Variants in OSBPL6 observed in about 807,000 individuals in gnomAD.
OSBPL6 encodes oxysterol-binding protein-related protein 6.
Under a neutral mutation model 125.8 loss-of-function variants are expected in OSBPL6, and 49 were observed. The ratio of observed to expected loss-of-function variants is 0.39; its 90% CI spans 0.31 to 0.49. OSBPL6 has a LOEUF of 0.49. Among genes scored for constraint, OSBPL6 ranks in the 20% least tolerant of loss-of-function variants. The pLI, the probability that OSBPL6 is intolerant of heterozygous loss-of-function variation, is 0.88. For missense variants in OSBPL6, 986 were observed against 1,135.4 expected (o/e 0.87, Z 1.89); for synonymous variants, 394 against 391.8 (o/e 1.01, Z -0.07).
chr2:178,286,894 A>T (rs1012633917), intron 2 of OSBPL6, among the ~76,000 whole-genome samples: 3 of 152,170 alleles, frequency 2.0e-5, no homozygotes, highest in Non-Finnish European at 4.4e-5. Flanking sequence ...TACCTCCATC[A>T]CAGTGAGTTG....
chr2:178,235,393 CTTTTCTT>C (rs2091009446), intron 1 of OSBPL6, among the ~76,000 whole-genome samples: 8 of 64,528 alleles, frequency 1.2e-4, no homozygotes, highest in African/African-American at 2.2e-4. Context: ...TTTTTCTTTT[CTTTTCTT>C]TTTTTTTTTT....
chr2:178,255,022 G>T (rs540573687), intron 1 of OSBPL6, among the ~76,000 whole-genome samples: 32 of 152,362 alleles, frequency 2.1e-4, no homozygotes, highest in Non-Finnish European at 2.4e-4. Flanking sequence ...AGGATGTGCA[G>T]TCCAGGAGCG....
chr2:178,233,121 C>T (rs1008293331), intron 1 of OSBPL6, among the ~76,000 whole-genome samples: 4 of 152,136 alleles, frequency 2.6e-5, no homozygotes, highest in Non-Finnish European at 4.4e-5. Context: ...TACAATTCTT[C>T]AAGTACCTTC....
rs552307119 is a variant in OSBPL6 at position 178,349,380 on chromosome 2, G to T, written c.1144G>T (p.Ala382Ser). 1.2e-6 allele frequency: 2 copies of T among 1,613,800 alleles called. No individual in the cohort carries two copies. Among genetic ancestry groups the T allele is most frequent in the Non-Finnish European group, 1.7e-6 (2 of 1,179,942 alleles). ...GCTGCAAGAAGAATTTTGTCTAATC[G>T]CACAGAAAGGTAAGAACAAAAATAA... ...TKLQEEFCLI[A>S]QKVHSLLKSA... Residue 382 changes from alanine to serine, a missense_variant, in exon 12 of 25, where the codon GCA becomes TCA. Physicochemically the swap from Ala to Ser is moderately conservative, Grantham distance 99. This residue lies in a region of OSBPL6 where 843 missense variants were observed against 997.3 expected (regional missense o/e 0.85). Transcript: ENST00000190611.
intron 13 of OSBPL6, among the ~76,000 whole-genome samples, chr2:178,362,406 A>C (rs1000274951): frequency 1.3e-5 from 2 of 152,212 alleles, no homozygotes; most frequent in Non-Finnish European, 2.9e-5. Flanking sequence ...TATCTATATC[A>C]AAGTTGAAAT....
At chr2:178,286,751 G>A (rs894034884) in intron 2 of OSBPL6, among the ~76,000 whole-genome samples, 1 of 152,094 alleles carries the variant, frequency 6.6e-6, no homozygotes, top group South Asian at 2.1e-4. Flanking sequence ...AATGACCCCC[G>A]TAGGGATTTA....
chr2:178,287,445 T>C (rs1009132770), intron 2 of OSBPL6, among the ~76,000 whole-genome samples: 6 of 152,232 alleles, frequency 3.9e-5, no homozygotes, highest in African/African-American at 1.4e-4. Flanking sequence ...ATGGATTCTG[T>C]TAGATCAGTA....
Position 178,324,259 on chromosome 2 carries a change from C to T in OSBPL6, c.185C>T (p.Pro62Leu), listed in dbSNP as rs116869006. ...CAATTGCTAGAACCGGAGCCAGTCC[C>T]CCTCTCCAAGGTCAGTGATGAAATG... ...SRQLLEPEPVPLSKEADSWEI... is the reference protein window; with the variant it reads ...SRQLLEPEPVLLSKEADSWEI... The change falls in exon 4 of 25, where the codon CCC becomes CTC. Residue 62 changes from proline to leucine, a missense_variant. Around this residue, in one of 3 missense-constraint regions of OSBPL6, gnomAD observed 130 missense variants for 106.4 expected, o/e 1.22. Coordinates refer to ENST00000190611, the MANE Select transcript of OSBPL6 (RefSeq NM_032523.4). 5.5e-4 allele frequency: 860 copies of T among 1,568,338 alleles called. 10 individuals are homozygous for T. In the East Asian group the frequency reaches 0.018, roughly 33 times the overall value.
intron 11 of OSBPL6, among the ~76,000 whole-genome samples, chr2:178,344,045 A>T (rs191088152): frequency 3.8e-4 from 58 of 152,274 alleles, no homozygotes; most frequent in African/African-American, 1.3e-3. Context: ...TTATAACTCC[A>T]TCTCCTTTTG....
intron 1 of OSBPL6, among the ~76,000 whole-genome samples, chr2:178,261,247 A>C (rs1190720517): frequency 6.6e-6 from 1 of 152,206 alleles, no homozygotes; most frequent in Non-Finnish European, 1.5e-5. Context: ...TAGAAATCAA[A>C]ATGGTGGTTC....
At chr2:178,294,416 T>C (rs1216242168) in intron 2 of OSBPL6, among the ~76,000 whole-genome samples, 1 of 152,210 alleles carries the variant, frequency 6.6e-6, no homozygotes, top group Non-Finnish European at 1.5e-5. Context: ...TAATACATGA[T>C]AACAGACGTC....
At chr2:178,195,255 AC>A (rs2088810898) in intron 1 of OSBPL6, among the ~76,000 whole-genome samples, 1 of 151,740 alleles carries the variant, frequency 6.6e-6, no homozygotes, top group Non-Finnish European at 1.5e-5. Context: ...ACCCCTGCCC[AC>A]CCGCTGCTGG....
At chr2:178,367,603 A>G (rs1692959989) in intron 13 of OSBPL6, among the ~76,000 whole-genome samples, 1 of 152,196 alleles carries the variant, frequency 6.6e-6, no homozygotes, top group Non-Finnish European at 1.5e-5. Context: ...GATGAATGGT[A>G]GTTAGTAGCT....
chr2:178,227,327 G>T (rs1462514829), intron 1 of OSBPL6, among the ~76,000 whole-genome samples: 2 of 152,150 alleles, frequency 1.3e-5, no homozygotes, highest in Non-Finnish European at 2.9e-5. Context: ...GGGCAAATAT[G>T]GATCCACAGG....
chr2:178,349,287 G>C lies in OSBPL6; in HGVS notation c.1051G>C (p.Asp351His). Residue 351 changes from aspartate to histidine, a missense_variant, in exon 12 of 25, where the codon GAT becomes CAT. Coordinates refer to ENST00000190611, the MANE Select transcript of OSBPL6 (RefSeq NM_032523.4). ...LHSSNPNLCADIEFQTPPSHL... is the reference protein window; with the variant it reads ...LHSSNPNLCAHIEFQTPPSHL... Reference sequence around the variant, plus strand: ...TTCCTCCAACCCCAACCTTTGTGCAGATATTGAATTTCAGACTCCCCCTAG... The same window carrying C: ...TTCCTCCAACCCCAACCTTTGTGCACATATTGAATTTCAGACTCCCCCTAG... 1 of 1,614,104 alleles carries C rather than the reference G, an allele frequency of 6.2e-7. No homozygotes were observed. Among genetic ancestry groups the C allele is most frequent in the South Asian group, 1.1e-5 (1 of 91,080 alleles).
At chr2:178,227,308 C>G (rs559815448) in intron 1 of OSBPL6, among the ~76,000 whole-genome samples, 2 of 152,316 alleles carry the variant, frequency 1.3e-5, no homozygotes, top group East Asian at 1.9e-4. Context: ...CTGTTAATAT[C>G]TAGAGCTAGG....
At chr2:178,247,746 G>A (rs1395878253) in intron 1 of OSBPL6, among the ~76,000 whole-genome samples, 1 of 152,086 alleles carries the variant, frequency 6.6e-6, no homozygotes, top group East Asian at 1.9e-4. Flanking sequence ...TGAAATGTGG[G>A]CATTTAGTGC....
At chr2:178,275,374 T>C (rs1385375052) in intron 1 of OSBPL6, among the ~76,000 whole-genome samples, 1 of 152,030 alleles carries the variant, frequency 6.6e-6, no homozygotes, top group Non-Finnish European at 1.5e-5. Flanking sequence ...TAGCCGGGCA[T>C]GGTGATGGGC....
At chr2:178,320,188 T>G in intron 3 of OSBPL6, 1 of 1,415,772 alleles carries the variant, frequency 7.1e-7, no homozygotes, top group South Asian at 1.4e-5. Flanking sequence ...TCATTGTCTG[T>G]CTGTTTACCT....
Sources: gnomAD v4.1 joint callset for allele counts (sites outside exome capture counted in the v4.1 genomes callset) on GRCh38, gnomAD v4.1.1 for gene constraint, gnomAD v4.1.1 regional missense constraint, MANE v1.5 for transcripts, NCBI Gene and HGNC (gene_info 2026-07-23, HGNC 2026-07-21) for gene names.